KIRREL1: variants seen among roughly 807,000 people sequenced by gnomAD.
KIRREL1 encodes the protein kin of IRRE-like protein 1.
Under a neutral mutation model 83.3 loss-of-function variants are expected in KIRREL1, and 25 were observed. That is an observed-to-expected ratio of 0.30 (90% confidence interval 0.22 to 0.42). The LOEUF (loss-of-function observed/expected upper bound fraction) is 0.42. Ranked by LOEUF, KIRREL1 falls within the 10% of genes least tolerant of loss-of-function variation. The probability of loss-of-function intolerance (pLI) is 1.00; values close to 1 mark genes in which losing one functional copy is unlikely to be tolerated. For synonymous variants in KIRREL1, 388 were observed against 410.4 expected (o/e 0.95, Z 0.66); for missense variants, 812 against 1,032.3 (o/e 0.79, Z 2.92).
Position 158,054,946 on chromosome 1 carries a change from C to T in KIRREL1, c.53-21167C>T, listed in dbSNP as rs959763108. 3.9e-5 allele frequency among the ~76,000 whole-genome samples: 6 copies of T among 152,152 alleles called. No individual in the cohort carries two copies. The East Asian group carries it at 5.8e-4, about 15-fold the overall frequency. On this transcript the variant is annotated intron_variant, in intron 1 of 14. Coordinates refer to ENST00000359209, the MANE Select transcript of KIRREL1 (RefSeq NM_018240.7). ...TGGGTGGAGGTGGGAGGTGACTGGGCGGTGCATTTTTATTGAGCACGGCAC... is the reference window on the plus strand; with the variant it reads ...TGGGTGGAGGTGGGAGGTGACTGGGTGGTGCATTTTTATTGAGCACGGCAC...
intron 1 of KIRREL1, among the ~76,000 whole-genome samples, chr1:158,028,259 G>A (rs2101664842): frequency 6.6e-6 from 1 of 152,340 alleles, no homozygotes; most frequent in South Asian, 2.1e-4. Context: ...GGGCTGTTGG[G>A]CACCTGGGTC....
intron 1 of KIRREL1, among the ~76,000 whole-genome samples, chr1:158,012,107 T>A (rs549738384): frequency 6.6e-6 from 1 of 152,234 alleles, no homozygotes; most frequent in Non-Finnish European, 1.5e-5. Context: ...CCAATAAGAT[T>A]AAAAAATGTA....
At chr1:158,040,588 CTT>C (rs1660597575) in intron 1 of KIRREL1, among the ~76,000 whole-genome samples, 1 of 152,270 alleles carries the variant, frequency 6.6e-6, no homozygotes, top group Non-Finnish European at 1.5e-5. Flanking sequence ...GAGTTACTCA[CTT>C]TGCCTAGGCA....
At chr1:158,038,304 G>A (rs1421611249) in intron 1 of KIRREL1, among the ~76,000 whole-genome samples, 1 of 152,166 alleles carries the variant, frequency 6.6e-6, no homozygotes, top group Non-Finnish European at 1.5e-5. Context: ...AGGGGTCACT[G>A]TAATGAGGCT....
intron 1 of KIRREL1, among the ~76,000 whole-genome samples, chr1:158,075,747 T>C (rs1461245246): frequency 6.6e-6 from 1 of 152,194 alleles, no homozygotes; most frequent in Non-Finnish European, 1.5e-5. Context: ...TAATCCCAGC[T>C]CTGCCATTAA....
intron 1 of KIRREL1, among the ~76,000 whole-genome samples, chr1:158,040,010 G>C (rs10796988): frequency 0.91 from 138,148 of 152,272 alleles, 63,415 homozygotes; most frequent in East Asian, 0.99. Flanking sequence ...GGAGAGGAGA[G>C]AGTTGATGCA....
chr1:158,076,082 A>C lies in KIRREL1; in HGVS notation c.53-31A>C, dbSNP rs753963750. ...CTTAGAGGAGCCCCTCTCCTTACTC[A>C]TCTTACCCAGTGCTGGCTTTGGCTT... is the stretch of plus-strand genomic sequence containing the variant. On this transcript the variant is annotated intron_variant, in intron 1 of 14. Coordinates refer to ENST00000359209, the MANE Select transcript of KIRREL1 (RefSeq NM_018240.7). The C allele has an allele frequency of 6.2e-6, 10 of 1,606,576 alleles. No individual in the cohort carries two copies. In the East Asian group the frequency reaches 2.2e-4, roughly 36 times the overall value.
At chr1:158,053,092 G>A (rs752756107) in intron 1 of KIRREL1, among the ~76,000 whole-genome samples, 8 of 152,148 alleles carry the variant, frequency 5.3e-5, no homozygotes, top group Non-Finnish European at 1.0e-4. Flanking sequence ...CAACAATGGG[G>A]ATCACATTTC....
chr1:158,058,127 G>T (rs1661116148), intron 1 of KIRREL1, among the ~76,000 whole-genome samples: 1 of 152,188 alleles, frequency 6.6e-6, no homozygotes, highest in African/African-American at 2.4e-5. Flanking sequence ...TGGCCTGCGG[G>T]TCTGGTCCAG....
At position 158,009,716 on chromosome 1, in the gene KIRREL1, G is replaced by A. The variant is rs572517005; in HGVS notation, c.52+15988G>A. Among the ~76,000 whole-genome samples, 32 of 152,338 alleles carry A rather than the reference G, an allele frequency of 2.1e-4. 1 individual carries two copies. The East Asian group carries it at 5.0e-3, about 24-fold the overall frequency. On this transcript the variant is annotated intron_variant, in intron 1 of 14. Coordinates refer to ENST00000359209, the MANE Select transcript of KIRREL1 (RefSeq NM_018240.7). Reference sequence around the variant, plus strand: ...AAATAAATTGCCTGTTCAAGCTGGGGCTGCTTCTGGCTGAAAGCTCATTGG... The same window carrying A: ...AAATAAATTGCCTGTTCAAGCTGGGACTGCTTCTGGCTGAAAGCTCATTGG...
chr1:157,994,783 G>A (rs1659147356), intron 1 of KIRREL1, among the ~76,000 whole-genome samples: 1 of 152,030 alleles, frequency 6.6e-6, no homozygotes, highest in South Asian at 2.1e-4. Flanking sequence ...CACCTACTGA[G>A]AGAGAGACAT....
At chr1:158,007,356 C>G (rs1197643599) in intron 1 of KIRREL1, among the ~76,000 whole-genome samples, 1 of 152,020 alleles carries the variant, frequency 6.6e-6, no homozygotes, top group Non-Finnish European at 1.5e-5. Flanking sequence ...AGGAGGACAC[C>G]AGGTGGAGCC....
chr1:158,068,087 AC>A (rs1661404982), intron 1 of KIRREL1, among the ~76,000 whole-genome samples: 1 of 152,182 alleles, frequency 6.6e-6, no homozygotes, highest in Non-Finnish European at 1.5e-5. Flanking sequence ...ATGAGAAAGG[AC>A]CAGCAGTGGG....
At chr1:158,029,058 T>A (rs1660246867) in intron 1 of KIRREL1, among the ~76,000 whole-genome samples, 1 of 152,216 alleles carries the variant, frequency 6.6e-6, no homozygotes, top group Non-Finnish European at 1.5e-5. Context: ...GAGATACGTA[T>A]GGTCCAGCCC....
chr1:158,046,535 A>G (rs1660781810), intron 1 of KIRREL1, among the ~76,000 whole-genome samples: 1 of 152,124 alleles, frequency 6.6e-6, no homozygotes. Flanking sequence ...AAGCTGTGCA[A>G]CTGGTTGAAT....
intron 2 of KIRREL1, among the ~76,000 whole-genome samples, chr1:158,076,905 C>A (rs912966175): frequency 1.3e-5 from 2 of 152,212 alleles, no homozygotes; most frequent in African/African-American, 4.8e-5. Context: ...GGCTGCCTGG[C>A]AGAGTGGACA....
intron 1 of KIRREL1, among the ~76,000 whole-genome samples, chr1:158,070,887 C>T (rs1661492463): frequency 6.6e-6 from 1 of 152,168 alleles, no homozygotes; most frequent in Admixed American, 6.5e-5. Flanking sequence ...CTGTGCTCCT[C>T]TCACCCCTCA....
At chr1:158,081,490 G>A (rs1661853823) in intron 3 of KIRREL1, among the ~76,000 whole-genome samples, 1 of 152,152 alleles carries the variant, frequency 6.6e-6, no homozygotes, top group South Asian at 2.1e-4. Context: ...GGGAGTAGGT[G>A]TCCATTGTAT....
At chr1:157,993,763 TTC>T (rs1454863734) in intron 1 of KIRREL1, 35 bp downstream of exon 1, 1 of 1,392,694 alleles carries the variant, frequency 7.2e-7, no homozygotes, top group Non-Finnish European at 9.6e-7. Flanking sequence ...GACGCTCGGC[TTC>T]CCCCCGGGGC....
Sources: allele counts gnomAD v4.1 joint callset (sites outside exome capture counted in the v4.1 genomes callset), GRCh38; gene constraint gnomAD v4.1.1; transcripts MANE v1.5; gene names NCBI Gene and HGNC (gene_info 2026-07-23, HGNC 2026-07-21).